Variants in FLVCR2 observed in about 807,000 individuals in gnomAD.
FLVCR2 encodes FLVCR choline and putative heme transporter 2, also known as choline/ethanolamine transporter FLVCR2.
Under a neutral mutation model 48.9 loss-of-function variants are expected in FLVCR2, and 38 were observed. The observed-to-expected ratio is 0.78, with a 90% CI of 0.60 to 1.02. The LOEUF (loss-of-function observed/expected upper bound fraction) is 1.02. Among genes scored for constraint, FLVCR2 ranks in the 50% least tolerant of loss-of-function variants. FLVCR2 has a pLI of 0.00. For missense variants in FLVCR2, 664 were observed against 663.3 expected (o/e 1.00, Z -0.01); for synonymous variants, 255 against 257.0 (o/e 0.99, Z 0.07).
rs10629813 is a variant in FLVCR2 at position 75,616,026 on chromosome 14, C to CAAAAAAAAAAAAAAA, written c.670-6045_670-6031dup. On this transcript the variant is annotated intron_variant, in intron 1 of 9. Transcript: ENST00000238667. ...TGGGTGACAGAGTGAGACTCCATCTCAAAAAAAAAAAAAAAAAAAAAATAG... is the reference window on the plus strand; with the variant it reads ...TGGGTGACAGAGTGAGACTCCATCTCAAAAAAAAAAAAAAAAAAAAAAAAAAAAAAAAAAAAATAG... Among the ~76,000 whole-genome samples the CAAAAAAAAAAAAAAA allele has an allele frequency of 2.7e-4, 7 of 25,628 alleles. 1 individual carries two copies. Among genetic ancestry groups the CAAAAAAAAAAAAAAA allele is most frequent in the Non-Finnish European group, 2.0e-4 (3 of 15,384 alleles). 16.8% of individuals were successfully genotyped at this position (25,628 alleles called of 152,430 possible).
At position 75,646,851 on chromosome 14, in the gene FLVCR2, T is replaced by C. The variant is rs886050789; in HGVS notation, c.*379T>C. On this transcript the variant is annotated 3_prime_UTR_variant, in exon 10 of 10. Coordinates refer to ENST00000238667, the MANE Select transcript of FLVCR2 (RefSeq NM_017791.3). ...ACAGGAAGAAAGCCTATTCAGGATA[T>C]TAACTTGAAATTTCCAGTGTCCTAA... 2 of 336,288 alleles carry C rather than the reference T, an allele frequency of 5.9e-6. No homozygotes were observed. The highest frequency in any genetic ancestry group is 2.5e-5 in the South Asian group (1 of 40,178). 20.8% of individuals were successfully genotyped at this position (336,288 alleles called of 1,614,324 possible). A position where few individuals can be genotyped will look rare whatever the true frequency, so the allele number is the denominator to read the frequency against.
chr14:75,605,179 A>C (rs1206522633), intron 1 of FLVCR2, among the ~76,000 whole-genome samples: 1 of 152,196 alleles, frequency 6.6e-6, no homozygotes, highest in East Asian at 1.9e-4. Flanking sequence ...CTCAACATCA[A>C]ACAGCCCTGT....
intron 3 of FLVCR2, among the ~76,000 whole-genome samples, chr14:75,627,207 G>T (rs1206678510): frequency 6.6e-6 from 1 of 151,838 alleles, no homozygotes; most frequent in Non-Finnish European, 1.5e-5. Context: ...TGTACTTCTG[G>T]ACACTTTTCC....
At chr14:75,618,306 G>C in intron 1 of FLVCR2, among the ~76,000 whole-genome samples, 1 of 152,170 alleles carries the variant, frequency 6.6e-6, no homozygotes, top group Non-Finnish European at 1.5e-5. Context: ...AGGTACCTAG[G>C]ACCCACCTCA....
At chr14:75,644,269 G>A (rs1179569473) in intron 9 of FLVCR2, among the ~76,000 whole-genome samples, 2 of 152,150 alleles carry the variant, frequency 1.3e-5, no homozygotes, top group Admixed American at 6.5e-5. Context: ...TTCCAGTGTT[G>A]TAATCTATGG....
intron 1 of FLVCR2, among the ~76,000 whole-genome samples, chr14:75,594,686 A>G (rs1402571156): frequency 1.3e-5 from 2 of 151,956 alleles, no homozygotes; most frequent in African/African-American, 4.8e-5. Context: ...CACCCTCATA[A>G]TAATGAGTCC....
At chr14:75,590,282 C>T (rs1464958478) in intron 1 of FLVCR2, among the ~76,000 whole-genome samples, 3 of 152,202 alleles carry the variant, frequency 2.0e-5, no homozygotes, top group Admixed American at 2.0e-4. Context: ...GGGGGATCTG[C>T]CCACGTGACC....
Position 75,578,786 on chromosome 14 carries a change from A to C in FLVCR2, c.-187A>C. The C allele has an allele frequency of 1.6e-6, 1 of 632,070 alleles. No homozygotes were observed. Among genetic ancestry groups the C allele is most frequent in the East Asian group, 2.7e-5 (1 of 36,548 alleles). 39.2% of individuals were successfully genotyped at this position (632,070 alleles called of 1,614,324 possible). A position where few individuals can be genotyped will look rare whatever the true frequency, so the allele number is the denominator to read the frequency against. ...GTGGCAACAGAGAGCCCCAAGCAAA[A>C]GTGGGAGCAGGAGCTTGGAGGTGAG... On this transcript the variant is annotated 5_prime_UTR_variant, in exon 1 of 10. Transcript: ENST00000238667.
chr14:75,579,025 A>C lies in FLVCR2; in HGVS notation c.53A>C (p.Glu18Ala). ...QEESDDTPVP[E>A]SALQADPSVS... Reference sequence around the variant, plus strand: ...GAGAGCGATGACACCCCTGTGCCGGAGTCCGCACTCCAAGCGGACCCCAGC... The same window carrying C: ...GAGAGCGATGACACCCCTGTGCCGGCGTCCGCACTCCAAGCGGACCCCAGC... Residue 18 changes from glutamate (E) to alanine (A), a missense_variant, in exon 1 of 10, where the codon GAG (glutamate) becomes GCG (alanine). By Grantham distance (107) the Glu-to-Ala change is moderately radical. Coordinates refer to ENST00000238667, the MANE Select transcript of FLVCR2 (RefSeq NM_017791.3). 2 of 1,614,092 alleles carry C rather than the reference A, an allele frequency of 1.2e-6. No homozygotes were observed. Among genetic ancestry groups the C allele is most frequent in the Non-Finnish European group, 1.7e-6 (2 of 1,179,980 alleles).
At chr14:75,604,003 T>A (rs899529423) in intron 1 of FLVCR2, among the ~76,000 whole-genome samples, 2 of 152,170 alleles carry the variant, frequency 1.3e-5, no homozygotes, top group Non-Finnish European at 2.9e-5. Context: ...CTGAAAGAAA[T>A]TAAGATGACC....
intron 1 of FLVCR2, among the ~76,000 whole-genome samples, chr14:75,582,398 A>T (rs1050475299): frequency 6.6e-6 from 1 of 152,128 alleles, no homozygotes; most frequent in Non-Finnish European, 1.5e-5. Flanking sequence ...GCTTGCTGAG[A>T]GGTAGTGGAG....
rs147347557 is a variant in FLVCR2 at position 75,580,863 on chromosome 14, T to C, written c.669+1222T>C. Among the ~76,000 whole-genome samples, 202 of 152,356 alleles carry C rather than the reference T, an allele frequency of 1.3e-3. 4 individuals are homozygous for C. In the East Asian group the frequency reaches 0.024, roughly 18 times the overall value. On this transcript the variant is annotated intron_variant, in intron 1 of 9. Coordinates refer to ENST00000238667, the MANE Select transcript of FLVCR2 (RefSeq NM_017791.3). ...GGATCTTCAGTTGCTTCAGGCAATCTGGATTGCCTGAAGCATGCAGGTCAC... is the reference window on the plus strand; with the variant it reads ...GGATCTTCAGTTGCTTCAGGCAATCCGGATTGCCTGAAGCATGCAGGTCAC...
intron 1 of FLVCR2, among the ~76,000 whole-genome samples, chr14:75,589,544 C>A (rs1263908894): frequency 1.3e-5 from 2 of 152,158 alleles, no homozygotes; most frequent in African/African-American, 4.8e-5. Context: ...GCAGCTCTCT[C>A]AGGCCAGTGT....
At chr14:75,608,035 A>G (rs1889340363) in intron 1 of FLVCR2, among the ~76,000 whole-genome samples, 1 of 152,174 alleles carries the variant, frequency 6.6e-6, no homozygotes, top group Admixed American at 6.5e-5. Context: ...GCACCACTGC[A>G]CTCCAGCCTG....
chr14:75,597,643 C>T (rs1329392266), intron 1 of FLVCR2, among the ~76,000 whole-genome samples: 1 of 152,048 alleles, frequency 6.6e-6, no homozygotes, highest in Non-Finnish European at 1.5e-5. Flanking sequence ...GATCTTGGCT[C>T]ACTGCAATCT....
At chr14:75,645,058 G>A (rs1890390203) in intron 9 of FLVCR2, among the ~76,000 whole-genome samples, 2 of 151,666 alleles carry the variant, frequency 1.3e-5, no homozygotes, top group Admixed American at 1.3e-4. Flanking sequence ...GTGTGTGTGT[G>A]TGTGTGTGTG....
At position 75,646,484 on chromosome 14, in the gene FLVCR2, T is replaced by C. The variant is rs1335156466; in HGVS notation, c.*12T>C. 1.2e-6 allele frequency: 2 copies of C among 1,603,696 alleles called. No individual in the cohort carries two copies. Among genetic ancestry groups the C allele is most frequent in the Admixed American group, 1.7e-5 (1 of 60,008 alleles). Reference sequence around the variant, plus strand: ...AGGATCATCTCTGAGAGGAAGGTGGTGACAACTCAGGGAACACGAACACCC... The same window carrying C: ...AGGATCATCTCTGAGAGGAAGGTGGCGACAACTCAGGGAACACGAACACCC... On this transcript the variant is annotated 3_prime_UTR_variant, in exon 10 of 10. Coordinates refer to ENST00000238667, the MANE Select transcript of FLVCR2 (RefSeq NM_017791.3).
chr14:75,611,502 G>A (rs796613178), intron 1 of FLVCR2, among the ~76,000 whole-genome samples: 13 of 152,262 alleles, frequency 8.5e-5, no homozygotes, highest in African/African-American at 2.6e-4. Flanking sequence ...TTGGGAGGCC[G>A]AGGCAGGTGA....
At chr14:75,590,969 A>G (rs948483175) in intron 1 of FLVCR2, among the ~76,000 whole-genome samples, 1 of 152,262 alleles carries the variant, frequency 6.6e-6, no homozygotes, top group Non-Finnish European at 1.5e-5. Flanking sequence ...CTCAAGGCAC[A>G]TACTTTCCAG....
Sources: gnomAD v4.1 joint callset for allele counts (sites outside exome capture counted in the v4.1 genomes callset) on GRCh38, gnomAD v4.1.1 for gene constraint, MANE v1.5 for transcripts, NCBI Gene and HGNC (gene_info 2026-07-23, HGNC 2026-07-21) for gene names.